DNAH2: variants seen among roughly 807,000 people sequenced by gnomAD.
DNAH2 encodes the protein dynein axonemal heavy chain 2.
DNAH2 carries 323 observed loss-of-function variants against 523.5 expected under a neutral mutation model. The observed-to-expected ratio is 0.62, with a 90% CI of 0.56 to 0.68. The LOEUF (loss-of-function observed/expected upper bound fraction) is 0.68. Among genes scored for constraint, DNAH2 ranks in the 30% least tolerant of loss-of-function variants. The probability of loss-of-function intolerance (pLI) is 0.00; values close to 1 mark genes in which losing one functional copy is unlikely to be tolerated. For missense variants in DNAH2, 4,907 were observed against 5,701.5 expected (o/e 0.86, Z 4.49); for synonymous variants, 2,093 against 2,177.4 (o/e 0.96, Z 1.08).
In DNAH2 at chr17:7,781,100, C is replaced by G; in HGVS notation, c.6062C>G (p.Pro2021Arg). ...GCCAAGCTCACTTCAGTTGATGCAC[C>G]CCTGTTCAATGCCATCGTGCAAGAT... is the stretch of plus-strand genomic sequence containing the variant. ...NIAKLTSVDA[P>R]LFNAIVQDLF... The change falls in exon 39 of 86, where the codon CCC (proline) becomes CGC (arginine). Residue 2021 changes from proline to arginine, a missense_variant. Transcript: ENST00000572933. The G allele has an allele frequency of 1.2e-6, 2 of 1,614,178 alleles. No homozygotes were observed. Among genetic ancestry groups the G allele is most frequent in the Non-Finnish European group, 1.7e-6 (2 of 1,180,034 alleles).
chr17:7,723,265 C>CG (rs1208762623), intron 2 of DNAH2, among the ~76,000 whole-genome samples: 26 of 120,180 alleles, frequency 2.2e-4, no homozygotes, highest in Non-Finnish European at 4.3e-4. Context: ...CCACTGTACC[C>CG]GGCTTTTTTT....
intron 12 of DNAH2, among the ~76,000 whole-genome samples, chr17:7,752,684 T>A (rs1303083645): frequency 6.6e-6 from 1 of 152,138 alleles, no homozygotes; most frequent in Admixed American, 6.6e-5. Context: ...CACTCCAGCC[T>A]GGGTGACAGA....
Position 7,780,677 on chromosome 17 carries a change from G to C in DNAH2, c.5898G>C (p.Gln1966His), listed in dbSNP as rs758070079. The C allele has an allele frequency of 6.2e-7, 1 of 1,614,224 alleles. No homozygotes were observed. The highest frequency in any genetic ancestry group is 1.3e-5 in the African/African-American group (1 of 75,066). Residue 1966 changes from glutamine (Q) to histidine (H), a missense_variant, in exon 38 of 86, where the codon CAG becomes CAC. By Grantham distance (24) the Gln-to-His change is conservative. Coordinates refer to ENST00000572933, the MANE Select transcript of DNAH2 (RefSeq NM_020877.5). This position sits in a 1 kb window ranked among gnomAD's most constrained non-coding sequence, Gnocchi z 4.4. ...CACTCTACTCACTGGCTGTGCAGCA[G>C]CTGTCCAGACAGGACCACTATGACT... ...VYTLYSLAVQ[Q>H]LSRQDHYDFG... is the part of the protein sequence containing the mutation.
In DNAH2 at chr17:7,775,071, G is replaced by C. The variant is rs1385902972; in HGVS notation, c.4719+95G>C. The C allele has an allele frequency of 3.7e-6, 5 of 1,340,504 alleles. No individual in the cohort carries two copies. In the African/African-American group the frequency reaches 4.4e-5, roughly 12 times the overall value. 83.0% of individuals were successfully genotyped at this position (1,340,504 alleles called of 1,614,324 possible). ...AGGGGACCCTGCCCTCCCAAAAGGA[G>C]GGCCATGTTAATTAATGATTCTCAA... On this transcript the variant is annotated intron_variant, in intron 29 of 85. Transcript: ENST00000572933.
chr17:7,831,334 G>A lies in DNAH2; in HGVS notation c.12459+20G>A. The stretch of plus-strand genomic sequence containing the variant: ...GAGAAGGTAAAAAGAGCCGGGCCTG[G>A]GGGAGGGAAAGTGATGAGAAGAGGG... On this transcript the variant is annotated intron_variant, in intron 80 of 85. Transcript: ENST00000572933. This position sits in a 1 kb window ranked among gnomAD's most constrained non-coding sequence, Gnocchi z 4.2. 1 of 1,613,962 alleles carries A rather than the reference G, an allele frequency of 6.2e-7. No individual in the cohort carries two copies. Among genetic ancestry groups the A allele is most frequent in the South Asian group, 1.1e-5 (1 of 91,080 alleles).
intron 32 of DNAH2, 58 bp downstream of exon 32, chr17:7,776,947 G>GT: frequency 7.0e-7 from 1 of 1,432,290 alleles, no homozygotes; most frequent in Non-Finnish European, 9.7e-7. Flanking sequence ...GGAGGCAGAG[G>GT]TGGTAGGAGC....
At chr17:7,743,878 T>C (rs1277758297) in intron 12 of DNAH2, 2 of 152,796 alleles carry the variant, frequency 1.3e-5, no homozygotes, top group Non-Finnish European at 2.9e-5. Flanking sequence ...AATTAACTAA[T>C]TTATTAAAAA....
intron 12 of DNAH2, among the ~76,000 whole-genome samples, chr17:7,745,141 C>A (rs1052580107): frequency 7.9e-5 from 12 of 151,972 alleles, no homozygotes; most frequent in African/African-American, 2.9e-4. Flanking sequence ...ATTACAGGCG[C>A]CCGCCACCAC....
At chr17:7,724,003 T>C (rs12945990) in intron 3 of DNAH2, among the ~76,000 whole-genome samples, 23 of 152,298 alleles carry the variant, frequency 1.5e-4, no homozygotes, top group Middle Eastern at 3.4e-3. Flanking sequence ...GAAGATATTG[T>C]CCTAATTGGA....
Position 7,780,560 on chromosome 17 carries a change from A to G in DNAH2, c.5851-70A>G. Reference sequence around the variant, plus strand: ...CCTGGGACCTGGCTTCTTGTCTCTGACTGTCCTGAGATGAAGCAGAGGGAT... The same window carrying G: ...CCTGGGACCTGGCTTCTTGTCTCTGGCTGTCCTGAGATGAAGCAGAGGGAT... On this transcript the variant is annotated intron_variant, in intron 37 of 85. Transcript: ENST00000572933. This position sits in a 1 kb window ranked among gnomAD's most constrained non-coding sequence, Gnocchi z 4.4. 6.3e-7 allele frequency: 1 copy of G among 1,589,862 alleles called. No homozygotes were observed. The highest frequency in any genetic ancestry group is 1.3e-5 in the African/African-American group (1 of 74,612).
At chr17:7,751,920 G>GGGGTGT (rs111751776) in intron 12 of DNAH2, among the ~76,000 whole-genome samples, 17,442 of 145,794 alleles carry the variant, frequency 0.12, 1,219 homozygotes, top group East Asian at 0.17. Context: ...ATAGTTGTGG[G>GGGGTGT]GTGTGTGTGT....
rs142115772 is a variant in DNAH2, at chr17:7,780,539, G to C, written c.5851-91G>C. 1 of 1,559,270 alleles carries C rather than the reference G, an allele frequency of 6.4e-7. No homozygotes were observed. On this transcript the variant is annotated intron_variant, in intron 37 of 85. Coordinates refer to ENST00000572933, the MANE Select transcript of DNAH2 (RefSeq NM_020877.5). This position sits in a 1 kb window ranked among gnomAD's most constrained non-coding sequence, Gnocchi z 4.4. ...TGCCTCCTAGCTGCTTCATGTCCTGGGACCTGGCTTCTTGTCTCTGACTGT... is the reference window on the plus strand; with the variant it reads ...TGCCTCCTAGCTGCTTCATGTCCTGCGACCTGGCTTCTTGTCTCTGACTGT...
intron 36 of DNAH2, 38 bp downstream of exon 36, chr17:7,779,461 A>AAGAACTGGGTGTTCAGGGG: frequency 6.3e-7 from 1 of 1,598,358 alleles, no homozygotes; most frequent in East Asian, 2.2e-5. Context: ...CTGGGGTGGG[A>AAGAACTGGGTGTTCAGGGG]AGAACTGGGT....
In DNAH2 at chr17:7,739,943, G is replaced by A; in HGVS notation, c.1376+5G>A. The A allele has an allele frequency of 1.2e-6, 2 of 1,613,520 alleles. No individual in the cohort carries two copies. The highest frequency in any genetic ancestry group is 2.2e-5 in the South Asian group (2 of 91,054). ...TTGGCATGAAGACTACAATAAGTGA[G>A]GGAACCACAGGCTGATGCCAGGCGT... On this transcript the variant is annotated splice_donor_5th_base_variant and intron_variant, in intron 9 of 85. Coordinates refer to ENST00000572933, the MANE Select transcript of DNAH2 (RefSeq NM_020877.5).
chr17:7,754,541 G>A lies in DNAH2; in HGVS notation c.1905-2550G>A. 1 of 1,170,704 alleles carries A rather than the reference G, an allele frequency of 8.5e-7. No homozygotes were observed. The highest frequency in any genetic ancestry group is 1.9e-5 in the Admixed American group (1 of 53,380). The allele number at this position is 1,170,704 out of a possible 1,614,324, so 72.5% of individuals were successfully genotyped here. A position where few individuals can be genotyped will look rare whatever the true frequency, so the allele number is the denominator to read the frequency against. On this transcript the variant is annotated intron_variant, in intron 12 of 85. Transcript: ENST00000572933. The surrounding 1 kb of genome is among the most constrained non-coding windows in gnomAD (Gnocchi z 4.6). ...CGCTTTGCCAAGAAGCACAAAAGAAGGGCCTAAAGAAGATGCACACCAACA... is the reference window on the plus strand; with the variant it reads ...CGCTTTGCCAAGAAGCACAAAAGAAAGGCCTAAAGAAGATGCACACCAACA...
chr17:7,733,501 G>A (rs2075053197), intron 5 of DNAH2, among the ~76,000 whole-genome samples, 186 bp downstream of exon 5: 1 of 109,912 alleles, frequency 9.1e-6, no homozygotes, highest in African/African-American at 3.4e-5. Flanking sequence ...TTTTTGAGAT[G>A]GAGTCTCACC....
intron 6 of DNAH2, 63 bp from the exon 7 acceptor site, chr17:7,734,407 G>C (rs1027201279): frequency 4.4e-5 from 71 of 1,601,262 alleles, no homozygotes; most frequent in Non-Finnish European, 5.7e-5. Flanking sequence ...GTTGCGGGGA[G>C]TGAAGGATGC....
At position 7,757,211 on chromosome 17, in the gene DNAH2, G is replaced by T. The variant is rs767917191; in HGVS notation, c.2025G>T (p.Leu675=). 1 of 1,614,134 alleles carries T rather than the reference G, an allele frequency of 6.2e-7. No homozygotes were observed. Among genetic ancestry groups the T allele is most frequent in the South Asian group, 1.1e-5 (1 of 91,080 alleles). The stretch of plus-strand genomic sequence containing the variant: ...ACCTGCGCATTCTGCGTGAAAATCT[G>T]CTACTCGTTGCTAGAGACTACAATA... The part of the protein sequence containing the change: ...AEDLRILREN[L]LLVARDYNRI... The change falls in exon 13 of 86, where the codon CTG becomes CTT. Residue 675 remains leucine (L), a synonymous_variant. Transcript: ENST00000572933.
At chr17:7,747,257 CT>C (rs1393948946) in intron 12 of DNAH2, among the ~76,000 whole-genome samples, 2 of 151,948 alleles carry the variant, frequency 1.3e-5, no homozygotes, top group Admixed American at 1.3e-4. Context: ...CTGGGAGCCA[CT>C]GCACCCCGTC....
Sources: gnomAD v4.1 joint callset for allele counts (sites outside exome capture counted in the v4.1 genomes callset) on GRCh38, gnomAD v4.1.1 for gene constraint, Gnocchi (gnomAD v3.1) non-coding constraint, MANE v1.5 for transcripts, NCBI Gene and HGNC (gene_info 2026-07-23, HGNC 2026-07-21) for gene names.